The following GPR89A variants were observed in gnomAD, a reference collection of about 807,000 sequenced individuals.
The protein encoded by GPR89A is golgi pH regulator A.
GPR89A carries 16 observed loss-of-function variants against 52.0 expected under a neutral mutation model. The observed-to-expected ratio is 0.31, with a 90% confidence interval of 0.21 to 0.47. The LOEUF is 0.47. GPR89A is among the 20% of genes least tolerant of loss of function. GPR89A has a pLI of 1.00. For synonymous variants in GPR89A, 55 were observed against 150.9 expected (o/e 0.36, Z 4.66); for missense variants, 135 against 449.4 (o/e 0.30, Z 6.33).
chr1:145,642,912 G>C (rs587738912), intron 7 of GPR89A, among the ~76,000 whole-genome samples: 1 of 152,142 alleles, frequency 6.6e-6, no homozygotes, highest in South Asian at 2.1e-4. Flanking sequence ...CACTGTACTA[G>C]TCGGTCCTCC....
At chr1:145,642,707 A>G (rs1650733199) in intron 7 of GPR89A, among the ~76,000 whole-genome samples, 1 of 151,932 alleles carries the variant, frequency 6.6e-6, no homozygotes, top group Non-Finnish European at 1.5e-5. Context: ...CCTCCCAAAA[A>G]TATCCACCTT....
In GPR89A at chr1:145,643,084, G is replaced by A. The variant is rs1346211498; in HGVS notation, c.618-785G>A. 1.5e-3 allele frequency among the ~76,000 whole-genome samples: 216 copies of A among 141,514 alleles called. 2 individuals are homozygous for A. The highest frequency in any genetic ancestry group is 3.5e-3 in the Admixed American group (48 of 13,840). The allele number at this position is 141,514 out of a possible 152,430, so 92.8% of individuals were successfully genotyped here. A position where few individuals can be genotyped will look rare whatever the true frequency, so the allele number is the denominator to read the frequency against. On this transcript the variant is annotated intron_variant, in intron 7 of 13. Coordinates refer to ENST00000313835, the MANE Select transcript of GPR89A (RefSeq NM_001097612.2). Reference sequence around the variant, plus strand: ...TTTCCTTTTGTCTGCCTTTGAAAAAGAAGGAAGAAAACATGTATTGCGTTC... The same window carrying A: ...TTTCCTTTTGTCTGCCTTTGAAAAAAAAGGAAGAAAACATGTATTGCGTTC...
chr1:145,632,289 A>T, intron 7 of GPR89A, among the ~76,000 whole-genome samples: 1 of 152,016 alleles, frequency 6.6e-6, no homozygotes, highest in Non-Finnish European at 1.5e-5. Flanking sequence ...GAAATGTGCA[A>T]TACATTATTA....
chr1:145,611,205 C>CAACTTTTA (rs1648250926), intron 1 of GPR89A, among the ~76,000 whole-genome samples: 1 of 77,480 alleles, frequency 1.3e-5, no homozygotes, highest in African/African-American at 5.9e-5. Context: ...TTTTTTTTTT[C>CAACTTTTA]AACTTTTATT....
chr1:145,612,644 A>G (rs781870462), intron 1 of GPR89A, among the ~76,000 whole-genome samples: 3 of 152,142 alleles, frequency 2.0e-5, no homozygotes, highest in Admixed American at 6.5e-5. Flanking sequence ...GCTAAGTACT[A>G]CTTAGAGAGC....
chr1:145,634,873 C>G, intron 7 of GPR89A, among the ~76,000 whole-genome samples: 1 of 152,004 alleles, frequency 6.6e-6, no homozygotes, highest in Non-Finnish European at 1.5e-5. Context: ...TTTTAGAAAA[C>G]CTAGTTTACG....
At chr1:145,612,473 A>T (rs587594931) in intron 1 of GPR89A, among the ~76,000 whole-genome samples, 5,600 of 152,052 alleles carry the variant, frequency 0.037, 321 homozygotes, top group African/African-American at 0.13. Context: ...AATAATATTT[A>T]AAAAAAAGCA....
rs587725536 is a variant in GPR89A, at chr1:145,615,376, C to T, written c.43-858C>T. The stretch of plus-strand genomic sequence containing the variant: ...ATTTATTTTTTGAGACAGGGTCTCA[C>T]TCTGTTGCCCAGGCTGGAGCGCAGT... On this transcript the variant is annotated intron_variant, in intron 1 of 13. Coordinates refer to ENST00000313835, the MANE Select transcript of GPR89A (RefSeq NM_001097612.2). 3.3e-5 allele frequency among the ~76,000 whole-genome samples: 5 copies of T among 152,244 alleles called. No individual in the cohort carries two copies. The East Asian group carries it at 9.7e-4, about 29-fold the overall frequency.
chr1:145,648,232 G>T (rs1651183774), intron 10 of GPR89A, among the ~76,000 whole-genome samples: 1 of 151,668 alleles, frequency 6.6e-6, no homozygotes, highest in South Asian at 2.1e-4. Flanking sequence ...CTAGTTTGAT[G>T]ACTTTCCTAC....
chr1:145,655,290 C>T (rs2101825235), intron 10 of GPR89A, among the ~76,000 whole-genome samples: 1 of 152,218 alleles, frequency 6.6e-6, no homozygotes, highest in South Asian at 2.1e-4. Context: ...CTAAAGCCTA[C>T]TTCTGTCAGT....
chr1:145,639,059 G>A (rs781857336), intron 7 of GPR89A, among the ~76,000 whole-genome samples: 12 of 150,796 alleles, frequency 8.0e-5, no homozygotes, highest in Non-Finnish European at 1.6e-4. Context: ...CTCACAAAAT[G>A]AAATACTTAC....
intron 2 of GPR89A, 123 bp downstream of exon 2, chr1:145,616,416 A>G (rs587702045): frequency 5.1e-5 from 40 of 780,390 alleles, no homozygotes; most frequent in Non-Finnish European, 8.3e-5. Flanking sequence ...TAAGTACTAT[A>G]TAACTATTAG....
chr1:145,624,997 A>G (rs1239651289), intron 5 of GPR89A, among the ~76,000 whole-genome samples: 1 of 151,114 alleles, frequency 6.6e-6, no homozygotes, highest in East Asian at 2.0e-4. Flanking sequence ...ATGTTGAATG[A>G]GCCAGTGTCT....
At chr1:145,647,568 C>G (rs1215751836) in intron 10 of GPR89A, among the ~76,000 whole-genome samples, 2 of 151,514 alleles carry the variant, frequency 1.3e-5, no homozygotes, top group Admixed American at 6.6e-5. Context: ...CTTTCGGAGG[C>G]CAAGGCAGGC....
chr1:145,609,325 A>C lies in GPR89A; in HGVS notation c.42+1150A>C, dbSNP rs1442777849. Among the ~76,000 whole-genome samples, 3 of 152,238 alleles carry C rather than the reference A, an allele frequency of 2.0e-5. No individual in the cohort carries two copies. The East Asian group carries it at 5.8e-4, about 29-fold the overall frequency. On this transcript the variant is annotated intron_variant, in intron 1 of 13. Coordinates refer to ENST00000313835, the MANE Select transcript of GPR89A (RefSeq NM_001097612.2). ...CTTTTCTCTTCAAAAACTTGTTTAC[A>C]ATATTTAAGAAAATAAGAAAGAAGG... is the stretch of plus-strand genomic sequence containing the variant.
chr1:145,656,222 G>T (rs1361266137), intron 10 of GPR89A, among the ~76,000 whole-genome samples: 2 of 152,052 alleles, frequency 1.3e-5, no homozygotes, highest in African/African-American at 4.8e-5. Context: ...GCCTGCTGCT[G>T]CTGGCTGCAA....
chr1:145,647,798 CAT>C (rs2101809426), intron 10 of GPR89A, among the ~76,000 whole-genome samples: 1 of 5,344 alleles, frequency 1.9e-4, no homozygotes, highest in Non-Finnish European at 3.0e-4. Context: ...GGCGAGACTC[CAT>C]CTCTCTCTCT....
intron 2 of GPR89A, 59 bp downstream of exon 2, chr1:145,616,352 G>A (rs1257331984): frequency 2.1e-6 from 3 of 1,413,624 alleles, no homozygotes; most frequent in Non-Finnish European, 3.0e-6. Context: ...CAAGAAAAAT[G>A]TCTCCATTAA....
rs1187362598 is a variant in GPR89A, at chr1:145,670,412, A to G, written c.*372A>G. ...ATTTCCGTTTTAAGGTTCACATGGA[A>G]AAGGTTATAGCTTTGCCTTGAGATT... On this transcript the variant is annotated 3_prime_UTR_variant, in exon 14 of 14. Coordinates refer to ENST00000313835, the MANE Select transcript of GPR89A (RefSeq NM_001097612.2). The G allele has an allele frequency of 1.0e-5, 4 of 392,724 alleles. No homozygotes were observed. Among genetic ancestry groups the G allele is most frequent in the Non-Finnish European group, 1.9e-5 (4 of 208,586 alleles). The allele number at this position is 392,724 out of a possible 1,614,324, so 24.3% of individuals were successfully genotyped here. A position where few individuals can be genotyped will look rare whatever the true frequency, so the allele number is the denominator to read the frequency against.
Sources: allele counts gnomAD v4.1 joint callset (sites outside exome capture counted in the v4.1 genomes callset), GRCh38; gene constraint gnomAD v4.1.1; transcripts MANE v1.5; gene names NCBI Gene and HGNC (gene_info 2026-07-23, HGNC 2026-07-21).